The following TNKS variants were observed in gnomAD, a reference collection of about 807,000 sequenced individuals.
TNKS encodes the protein poly [ADP-ribose] polymerase tankyrase-1.
Under a neutral mutation model 135.8 loss-of-function variants are expected in TNKS, and 72 were observed. The observed-to-expected ratio is 0.53, with a 90% CI of 0.44 to 0.64. The LOEUF (loss-of-function observed/expected upper bound fraction) is 0.64, where lower values mean the gene tolerates loss of function less well. Among genes scored for constraint, TNKS ranks in the 30% least tolerant of loss-of-function variants. TNKS has a pLI of 0.00. For synonymous variants in TNKS, 849 were observed against 649.3 expected (o/e 1.31, Z -4.68); for missense variants, 1,769 against 1,674.0 (o/e 1.06, Z -0.99).
chr8:9,772,050 G>T, intron 26 of TNKS, among the ~76,000 whole-genome samples: 2 of 114,894 alleles, frequency 1.7e-5, no homozygotes. Flanking sequence ...GGAGACAGAG[G>T]TAGGGAGGGA....
chr8:9,679,513 C>T (rs1158804015), intron 3 of TNKS, among the ~76,000 whole-genome samples: 4 of 151,846 alleles, frequency 2.6e-5, no homozygotes, highest in Admixed American at 1.3e-4. Flanking sequence ...ACCAATAAAA[C>T]TTCAGTTTTT....
At chr8:9,598,690 G>C (rs1436755027) in intron 2 of TNKS, among the ~76,000 whole-genome samples, 1 of 142,472 alleles carries the variant, frequency 7.0e-6, no homozygotes, top group Non-Finnish European at 1.5e-5. Context: ...CACAGAGCAA[G>C]ACCTTGTCTA....
At position 9,558,039 on chromosome 8, in the gene TNKS, G is replaced by A. The variant is rs139227660; in HGVS notation, c.673+1427G>A. The A allele has an allele frequency of 3.9e-5, 6 of 152,284 alleles. No individual in the cohort carries two copies. In the East Asian group the frequency reaches 1.2e-3, roughly 29 times the overall value. The allele number at this position is 152,284 out of a possible 1,614,324, so 9.4% of individuals were successfully genotyped here. A position where few individuals can be genotyped will look rare whatever the true frequency, so the allele number is the denominator to read the frequency against. ...AGTAGTAATGCGGAGGGGCTTATAT[G>A]CAAGAGAGTAGCTTTCACATGTTTT... is the stretch of plus-strand genomic sequence containing the variant. On this transcript the variant is annotated intron_variant, in intron 1 of 26. Transcript: ENST00000310430.
intron 2 of TNKS, among the ~76,000 whole-genome samples, chr8:9,609,874 T>G (rs1325510659): frequency 2.6e-5 from 4 of 152,316 alleles, no homozygotes; most frequent in African/African-American, 7.2e-5. Flanking sequence ...TTTTTTCTTT[T>G]TGAAGTGGAG....
intron 3 of TNKS, among the ~76,000 whole-genome samples, chr8:9,665,713 C>T (rs1464362021): frequency 6.6e-6 from 1 of 152,192 alleles, no homozygotes; most frequent in Non-Finnish European, 1.5e-5. Context: ...CTCTACTGGT[C>T]TCTTTCTCTG....
intron 3 of TNKS, among the ~76,000 whole-genome samples, chr8:9,653,058 T>C (rs1280986698): frequency 1.3e-5 from 2 of 152,158 alleles, no homozygotes; most frequent in Admixed American, 6.5e-5. Context: ...GCAGTTTCCA[T>C]GGACATGTTC....
At chr8:9,560,678 T>A (rs1486931892) in intron 1 of TNKS, among the ~76,000 whole-genome samples, 1 of 151,922 alleles carries the variant, frequency 6.6e-6, no homozygotes, top group Non-Finnish European at 1.5e-5. Flanking sequence ...GCAAGATCCT[T>A]TATATTACTT....
Position 9,706,372 on chromosome 8 carries a change from T to G in TNKS, c.1269+119T>G, listed in dbSNP as rs79187642. 40 of 790,032 alleles carry G rather than the reference T, an allele frequency of 5.1e-5. No homozygotes were observed. The East Asian group carries it at 1.2e-3, about 24-fold the overall frequency. 48.9% of individuals were successfully genotyped at this position (790,032 alleles called of 1,614,324 possible). On this transcript the variant is annotated intron_variant, in intron 7 of 26. Transcript: ENST00000310430. ...GTTTAGTTCTTTGGGGTTTTTTGTT[T>G]GTTTGTTTTGAGACAGGGTCTTGCC... is the stretch of plus-strand genomic sequence containing the variant.
intron 20 of TNKS, among the ~76,000 whole-genome samples, chr8:9,754,872 CTTTCTTAGG>C (rs1806753628): frequency 6.6e-6 from 1 of 152,154 alleles, no homozygotes; most frequent in Admixed American, 6.5e-5. Context: ...TGGTTTGGAG[CTTTCTTAGG>C]ACAATATCCT....
At chr8:9,635,261 A>G (rs138752045) in intron 3 of TNKS, among the ~76,000 whole-genome samples, 3 of 152,310 alleles carry the variant, frequency 2.0e-5, no homozygotes, top group Non-Finnish European at 4.4e-5. Context: ...AGGGGCTCCC[A>G]ATGAACATAT....
intron 20 of TNKS, among the ~76,000 whole-genome samples, chr8:9,760,071 A>AAGTT (rs1314189312): frequency 8.5e-5 from 13 of 152,282 alleles, no homozygotes; most frequent in Non-Finnish European, 1.8e-4. Context: ...TTTTAAACTG[A>AAGTT]AGTTAGTTTA....
At chr8:9,557,604 C>T (rs918473825) in intron 1 of TNKS, 2 of 152,002 alleles carry the variant, frequency 1.3e-5, no homozygotes, top group Non-Finnish European at 2.9e-5. Context: ...GTACGTTATA[C>T]AATTCAAATA....
chr8:9,626,944 C>A (rs192764033), intron 3 of TNKS, among the ~76,000 whole-genome samples: 124 of 152,282 alleles, frequency 8.1e-4, no homozygotes, highest in African/African-American at 2.8e-3. Flanking sequence ...TTTACTGATG[C>A]CTGGCAGTCT....
chr8:9,626,919 T>G (rs1232644395), intron 3 of TNKS, among the ~76,000 whole-genome samples: 1 of 152,250 alleles, frequency 6.6e-6, no homozygotes, highest in Non-Finnish European at 1.5e-5. Context: ...TCATGTCTTT[T>G]TGTATGCTAA....
chr8:9,773,956 A>C (rs1808086884), intron 26 of TNKS, among the ~76,000 whole-genome samples: 1 of 152,078 alleles, frequency 6.6e-6, no homozygotes, highest in Non-Finnish European at 1.5e-5. Flanking sequence ...TTTCACTCTT[A>C]ATGTTTAACT....
At chr8:9,679,862 C>A (rs1802705363) in intron 3 of TNKS, 89 bp from the exon 4 acceptor site, 5 of 1,096,630 alleles carry the variant, frequency 4.6e-6, no homozygotes, top group Non-Finnish European at 6.9e-6. Flanking sequence ...TTCTGTTCTT[C>A]TCTATTTAAT....
At chr8:9,723,017 A>G (rs1237287294) in intron 12 of TNKS, among the ~76,000 whole-genome samples, 2 of 152,096 alleles carry the variant, frequency 1.3e-5, no homozygotes, top group African/African-American at 4.8e-5. Context: ...TTTAAAATTG[A>G]TTTTTGAAAT....
At chr8:9,695,214 A>C (rs991056481) in intron 5 of TNKS, among the ~76,000 whole-genome samples, 2 of 152,226 alleles carry the variant, frequency 1.3e-5, no homozygotes, top group African/African-American at 4.8e-5. Flanking sequence ...TAGGTCTTCC[A>C]AAGCAGATAG....
intron 11 of TNKS, among the ~76,000 whole-genome samples, chr8:9,717,766 A>G (rs1404559982): frequency 2.0e-5 from 3 of 152,182 alleles, no homozygotes; most frequent in Non-Finnish European, 4.4e-5. Context: ...CTTGACTACT[A>G]TATGAACTGG....
Sources: gnomAD v4.1 joint callset for allele counts (sites outside exome capture counted in the v4.1 genomes callset) on GRCh38, gnomAD v4.1.1 for gene constraint, MANE v1.5 for transcripts, NCBI Gene and HGNC (gene_info 2026-07-23, HGNC 2026-07-21) for gene names.